MAN1B1: variants seen among roughly 807,000 people sequenced by gnomAD.
MAN1B1 encodes endoplasmic reticulum mannosyl-oligosaccharide 1,2-alpha-mannosidase.
Under a neutral mutation model 75.5 loss-of-function variants are expected in MAN1B1, and 66 were observed. That is an observed-to-expected ratio of 0.87 (90% CI 0.72 to 1.07). MAN1B1 has a LOEUF of 1.07. MAN1B1 is among the 50% of genes least tolerant of loss of function. MAN1B1 has a pLI of 0.00. For synonymous variants in MAN1B1, 453 were observed against 382.8 expected (o/e 1.18, Z -2.14); for missense variants, 973 against 912.5 (o/e 1.07, Z -0.85).
chr9:137,088,338 C>T, intron 2 of MAN1B1, 155 bp downstream of exon 2: 1 of 1,599,678 alleles, frequency 6.3e-7, no homozygotes, highest in Non-Finnish European at 8.5e-7. Flanking sequence ...CTGTATGTAA[C>T]CACCTGGCTA....
In MAN1B1 at chr9:137,106,205, C is replaced by T. The variant is rs746016942; in HGVS notation, c.1335C>T (p.Thr445=). The change falls in exon 9 of 13, where the codon ACC becomes ACT. Residue 445 remains threonine, a synonymous_variant. Coordinates refer to ENST00000371589, the MANE Select transcript of MAN1B1 (RefSeq NM_016219.5). ...GGCTGGTGCCCATGTTCATCAATAC[C>T]CACAGTGGCCTCTTCACCCACCTGG... ...KDGLVPMFIN[T]HSGLFTHLGV... The T allele has an allele frequency of 9.3e-6, 15 of 1,611,288 alleles. No homozygotes were observed. In the South Asian group the frequency reaches 1.2e-4, roughly 13 times the overall value.
At chr9:137,092,160 C>T (rs1031996208) in intron 3 of MAN1B1, among the ~76,000 whole-genome samples, 12 of 151,706 alleles carry the variant, frequency 7.9e-5, no homozygotes, top group Non-Finnish European at 1.0e-4. Flanking sequence ...AGATTGCTTA[C>T]GCCCAGTCTG....
intron 8 of MAN1B1, chr9:137,104,175 C>T (rs1366470028): frequency 4.8e-6 from 2 of 420,042 alleles, no homozygotes; most frequent in African/African-American, 2.0e-5. Context: ...TCAGGTTTTT[C>T]TTCCTGGACC....
Position 137,101,486 on chromosome 9 carries a change from G to A in MAN1B1, c.1068G>A (p.Glu356=). Residue 356 remains glutamate (E), a splice_region_variant and synonymous_variant, in exon 8 of 13, where the codon GAG becomes GAA. Coordinates refer to ENST00000371589, the MANE Select transcript of MAN1B1 (RefSeq NM_016219.5). ...TCTCTACTCTGCTCATATACCAGGAGGATTTTGGAAATCGGCTAATGCCTG... is the reference window on the plus strand; with the variant it reads ...TCTCTACTCTGCTCATATACCAGGAAGATTTTGGAAATCGGCTAATGCCTG... ...SGDSLFLRKA[E]DFGNRLMPAF... 6.2e-7 allele frequency: 1 copy of A among 1,613,774 alleles called. No individual in the cohort carries two copies. The highest frequency in any genetic ancestry group is 1.1e-5 in the South Asian group (1 of 91,048).
In MAN1B1 at chr9:137,099,884, A is replaced by C; in HGVS notation, c.916+3A>C. 6.2e-7 allele frequency: 1 copy of C among 1,614,080 alleles called. No homozygotes were observed. Among genetic ancestry groups the C allele is most frequent in the Non-Finnish European group, 8.5e-7 (1 of 1,180,020 alleles). Reference sequence around the variant, plus strand: ...GTGGATCTTGGGTCTGAGGAAAGGTACCTGGTGCTTTCTGGGGAGGGGCTG... The same window carrying C: ...GTGGATCTTGGGTCTGAGGAAAGGTCCCTGGTGCTTTCTGGGGAGGGGCTG... On this transcript the variant is annotated splice_donor_region_variant and intron_variant, in intron 6 of 12. Coordinates refer to ENST00000371589, the MANE Select transcript of MAN1B1 (RefSeq NM_016219.5).
chr9:137,106,224 C>A lies in MAN1B1; in HGVS notation c.1354C>A (p.His452Asn), dbSNP rs1458855377. The A allele has an allele frequency of 6.2e-7, 1 of 1,607,736 alleles. No homozygotes were observed. The highest frequency in any genetic ancestry group is 1.7e-5 in the Admixed American group (1 of 59,114). The change falls in exon 9 of 13, where the codon CAC becomes AAC. Residue 452 changes from histidine to asparagine, a missense_variant. His to Asn is a moderately conservative substitution (Grantham distance 68). Coordinates refer to ENST00000371589, the MANE Select transcript of MAN1B1 (RefSeq NM_016219.5). Reference sequence around the variant, plus strand: ...CAATACCCACAGTGGCCTCTTCACCCACCTGGGCGTATTCACGCTGGGCGC... The same window carrying A: ...CAATACCCACAGTGGCCTCTTCACCAACCTGGGCGTATTCACGCTGGGCGC... Reference protein sequence around the residue: ...FINTHSGLFTHLGVFTLGARA... With the variant: ...FINTHSGLFTNLGVFTLGARA...
chr9:137,102,846 T>C (rs1485202153), intron 8 of MAN1B1: 4 of 433,062 alleles, frequency 9.2e-6, no homozygotes, highest in African/African-American at 7.1e-5. Flanking sequence ...ATTCACACTG[T>C]TGCAGGCGTG....
At chr9:137,093,334 T>G (rs1830565011) in intron 3 of MAN1B1, among the ~76,000 whole-genome samples, 1 of 151,854 alleles carries the variant, frequency 6.6e-6, no homozygotes, top group Non-Finnish European at 1.5e-5. Flanking sequence ...GCAAGCGGAG[T>G]TCGCACCACT....
At position 137,096,305 on chromosome 9, in the gene MAN1B1, G is replaced by A; in HGVS notation, c.534G>A (p.Lys178=). The A allele has an allele frequency of 6.2e-7, 1 of 1,614,012 alleles. No individual in the cohort carries two copies. Among genetic ancestry groups the A allele is most frequent in the African/African-American group, 1.3e-5 (1 of 75,046 alleles). ...LQIRPPSQDL[K]DGTQEEATKR... ...TTAGACCCCCAAGCCAAGACCTGAA[G>A]GATGGGACCCAGGAGGAGGCCACAA... is the stretch of plus-strand genomic sequence containing the variant. Residue 178 remains lysine, a synonymous_variant, in exon 4 of 13, where the codon AAG becomes AAA. Transcript: ENST00000371589.
intron 8 of MAN1B1, chr9:137,102,835 C>G: frequency 4.5e-6 from 2 of 441,056 alleles, no homozygotes; most frequent in East Asian, 1.4e-4. Flanking sequence ...GTGTTACACA[C>G]ATTCACACTG....
At chr9:137,098,932 C>T (rs1830731115) in intron 5 of MAN1B1, among the ~76,000 whole-genome samples, 1 of 152,178 alleles carries the variant, frequency 6.6e-6, no homozygotes. Context: ...TGGGTTCAAG[C>T]AAGTCTCCTG....
chr9:137,095,589 A>T (rs1830630312), intron 3 of MAN1B1, among the ~76,000 whole-genome samples: 1 of 152,164 alleles, frequency 6.6e-6, no homozygotes, highest in African/African-American at 2.4e-5. Context: ...AGGTTTGGTA[A>T]TACCACAGAA....
chr9:137,105,586 C>G (rs1226980567), intron 8 of MAN1B1: 3 of 311,100 alleles, frequency 9.6e-6, no homozygotes, highest in African/African-American at 6.7e-5. Context: ...ATCCCGGTAC[C>G]CTGTGCCCCT....
At chr9:137,102,016 T>G (rs199642259) in intron 8 of MAN1B1, 8 of 359,820 alleles carry the variant, frequency 2.2e-5, no homozygotes, top group Non-Finnish European at 3.7e-5. Context: ...CACACATTCA[T>G]GCTGTTGCAG....
chr9:137,088,609 G>A (rs1830442828), intron 2 of MAN1B1: 1 of 685,034 alleles, frequency 1.5e-6, no homozygotes, highest in Non-Finnish European at 2.4e-6. Context: ...CTGCCCACCT[G>A]CCACATGCTG....
rs995356402 is a variant in MAN1B1 at position 137,106,637 on chromosome 9, C to T, written c.1446-52C>T. ...GGATGTGCCTGTCCCTGGTGCCCCA[C>T]GGGAGCCGATGCACCGTCCTGGTAG... On this transcript the variant is annotated intron_variant, in intron 9 of 12. Coordinates refer to ENST00000371589, the MANE Select transcript of MAN1B1 (RefSeq NM_016219.5). 17 of 1,611,258 alleles carry T rather than the reference C, an allele frequency of 1.1e-5. No homozygotes were observed. The South Asian group carries it at 1.3e-4, about 13-fold the overall frequency.
rs558189518 is a variant in MAN1B1, at chr9:137,105,630, G to A, written c.1255-495G>A. 16 of 322,548 alleles carry A rather than the reference G, an allele frequency of 5.0e-5. No homozygotes were observed. In the East Asian group the frequency reaches 8.7e-4, roughly 18 times the overall value. 20.0% of individuals were successfully genotyped at this position (322,548 alleles called of 1,614,324 possible). A position where few individuals can be genotyped will look rare whatever the true frequency, so the allele number is the denominator to read the frequency against. On this transcript the variant is annotated intron_variant, in intron 8 of 12. Transcript: ENST00000371589. Reference sequence around the variant, plus strand: ...CAGGACGCCTGGTGCTGCCAGCTGGGCGTAAGCCCTGAGGAGCTGAGGGTG... The same window carrying A: ...CAGGACGCCTGGTGCTGCCAGCTGGACGTAAGCCCTGAGGAGCTGAGGGTG...
intron 3 of MAN1B1, 66 bp from the exon 4 acceptor site, chr9:137,096,171 C>A (rs899965017): frequency 1.4e-5 from 22 of 1,573,318 alleles, no homozygotes; most frequent in Non-Finnish European, 1.8e-5. Context: ...GAGGGCGTCC[C>A]ATAGAGGGAA....
In MAN1B1 at chr9:137,096,272, C is replaced by G; in HGVS notation, c.501C>G (p.His167Gln). The change falls in exon 4 of 13, where the codon CAC becomes CAG. Residue 167 changes from histidine to glutamine, a missense_variant. Transcript: ENST00000371589. ...GACACATCCAGCGGGGACCACCTCACCTGCAGATTAGACCCCCAAGCCAAG... is the reference window on the plus strand; with the variant it reads ...GACACATCCAGCGGGGACCACCTCAGCTGCAGATTAGACCCCCAAGCCAAG... ...TQRHIQRGPP[H>Q]LQIRPPSQDL... 6.2e-7 allele frequency: 1 copy of G among 1,614,130 alleles called. No homozygotes were observed. Among genetic ancestry groups the G allele is most frequent in the Non-Finnish European group, 8.5e-7 (1 of 1,180,028 alleles).
Sources: gnomAD v4.1 joint callset for allele counts (sites outside exome capture counted in the v4.1 genomes callset) on GRCh38, gnomAD v4.1.1 for gene constraint, MANE v1.5 for transcripts, NCBI Gene and HGNC (gene_info 2026-07-23, HGNC 2026-07-21) for gene names.